Variants in CHSY3 observed in about 807,000 individuals in gnomAD.
CHSY3 encodes N-acetylgalactosaminyl-proteoglycan 3-beta-glucuronosyltransferase 3.
CHSY3 carries 35 observed loss-of-function variants against 67.2 expected under a neutral mutation model. The ratio of observed to expected loss-of-function variants is 0.52; its 90% CI spans 0.40 to 0.69. The LOEUF (loss-of-function observed/expected upper bound fraction) is 0.69, where lower values mean the gene tolerates loss of function less well. Ranked by LOEUF, CHSY3 falls within the 30% of genes least tolerant of loss-of-function variation. The pLI is 0.00. For synonymous variants in CHSY3, 474 were observed against 434.7 expected, an observed-to-expected ratio of 1.09 and a Z score of -1.12; for missense variants, 1,069 against 1,138.5, an observed-to-expected ratio of 0.94 and a Z score of 0.88.
chr5:130,001,503 A>G (rs925284513), intron 2 of CHSY3: 59 of 961,036 alleles, frequency 6.1e-5, no homozygotes, highest in Non-Finnish European at 6.9e-5. Flanking sequence ...ACCAAGATCT[A>G]GTGAAGGGCC....
At chr5:130,119,731 A>T (rs1767944324) in intron 2 of CHSY3, among the ~76,000 whole-genome samples, 1 of 152,204 alleles carries the variant, frequency 6.6e-6, no homozygotes, top group South Asian at 2.1e-4. Flanking sequence ...TAAAGGAAAG[A>T]CAGGCTTTTC....
Position 130,184,441 on chromosome 5 carries a change from G to A in CHSY3, c.1299G>A (p.Lys433=). 1 of 1,613,792 alleles carries A rather than the reference G, an allele frequency of 6.2e-7. No homozygotes were observed. The highest frequency in any genetic ancestry group is 8.5e-7 in the Non-Finnish European group (1 of 1,179,702). ...QLHRESALMS[K]LSNTEVSKED... is the part of the protein sequence containing the mutation. ...ACAGGGAAAGTGCCCTGATGAGCAA[G>A]CTCAGTAACACAGAAGTGAGCAAAG... Residue 433 remains lysine, a synonymous_variant, in exon 3 of 3, where the codon AAG becomes AAA. Coordinates refer to ENST00000305031, the MANE Select transcript of CHSY3 (RefSeq NM_175856.5).
intron 2 of CHSY3, among the ~76,000 whole-genome samples, chr5:129,971,434 A>G (rs1306719886): frequency 6.6e-6 from 1 of 151,930 alleles, no homozygotes; most frequent in East Asian, 1.9e-4. Context: ...TTCTTCAATC[A>G]TTGGCTAATA....
chr5:130,180,177 C>T (rs570139919), intron 2 of CHSY3, among the ~76,000 whole-genome samples: 164 of 152,278 alleles, frequency 1.1e-3, no homozygotes, highest in African/African-American at 3.8e-3. Context: ...TGCTTAGCCT[C>T]TCATTTCCCC....
chr5:129,956,920 T>C (rs1292605482), intron 2 of CHSY3, among the ~76,000 whole-genome samples: 2 of 152,160 alleles, frequency 1.3e-5, no homozygotes, highest in Non-Finnish European at 2.9e-5. Flanking sequence ...TTTGTTTTTG[T>C]TGCTTAGGAT....
chr5:129,983,378 A>G (rs1278332453), intron 2 of CHSY3, among the ~76,000 whole-genome samples: 2 of 152,060 alleles, frequency 1.3e-5, no homozygotes, highest in Admixed American at 1.3e-4. Flanking sequence ...TTGTCCTCCT[A>G]CATCCATATT....
chr5:129,905,946 C>G (rs1760276369), intron 1 of CHSY3: 2 of 409,172 alleles, frequency 4.9e-6, no homozygotes, highest in African/African-American at 4.3e-5. Flanking sequence ...AACCTTAGAG[C>G]TAAACCAAAG....
At chr5:130,015,476 A>G (rs1393191272) in intron 2 of CHSY3, among the ~76,000 whole-genome samples, 2 of 152,134 alleles carry the variant, frequency 1.3e-5, no homozygotes, top group Non-Finnish European at 2.9e-5. Flanking sequence ...CAACAAACAT[A>G]TGAAAAAAAA....
At chr5:130,089,271 T>C (rs1403702946) in intron 2 of CHSY3, among the ~76,000 whole-genome samples, 14 of 149,922 alleles carry the variant, frequency 9.3e-5, no homozygotes, top group African/African-American at 2.4e-5. Context: ...TACCTAATGC[T>C]AAATGACGAG....
chr5:129,906,766 T>G (rs945279172), intron 1 of CHSY3, among the ~76,000 whole-genome samples: 3 of 152,260 alleles, frequency 2.0e-5, no homozygotes, highest in African/African-American at 7.2e-5. Context: ...CAGCCCTTCC[T>G]TATTTTATGC....
At chr5:129,982,957 G>T (rs1157977554) in intron 2 of CHSY3, among the ~76,000 whole-genome samples, 1 of 152,008 alleles carries the variant, frequency 6.6e-6, no homozygotes. Context: ...ATACATGGTG[G>T]TGTTTATTTG....
chr5:130,002,001 G>C (rs1174439469), intron 2 of CHSY3: 1 of 875,278 alleles, frequency 1.1e-6, no homozygotes, highest in African/African-American at 1.8e-5. Flanking sequence ...TAGTAACTTA[G>C]AGCTACTCTC....
chr5:130,101,715 G>A (rs750903778), intron 2 of CHSY3, among the ~76,000 whole-genome samples: 24 of 152,028 alleles, frequency 1.6e-4, no homozygotes, highest in Admixed American at 2.6e-4. Context: ...CTTATATTTC[G>A]AAATTTACAT....
chr5:129,915,368 G>A (rs1309821737), intron 2 of CHSY3, among the ~76,000 whole-genome samples: 1 of 152,084 alleles, frequency 6.6e-6, no homozygotes, highest in East Asian at 1.9e-4. Flanking sequence ...TTCTAGTTGA[G>A]GCTTAACTAC....
chr5:130,122,821 C>A (rs1456174135), intron 2 of CHSY3, among the ~76,000 whole-genome samples: 1 of 152,062 alleles, frequency 6.6e-6, no homozygotes, highest in Non-Finnish European at 1.5e-5. Flanking sequence ...TATAAATGTT[C>A]TTTCATAAAA....
intron 2 of CHSY3, among the ~76,000 whole-genome samples, chr5:130,113,238 C>T (rs1387726456): frequency 1.3e-5 from 2 of 151,932 alleles, no homozygotes; most frequent in African/African-American, 4.8e-5. Context: ...CATATATTAT[C>T]CTTCCAGTAA....
intron 2 of CHSY3, among the ~76,000 whole-genome samples, chr5:130,051,665 GA>G (rs1765362110): frequency 6.6e-6 from 1 of 151,920 alleles, no homozygotes. Flanking sequence ...TTGAGGAAAG[GA>G]AAAAAACTTA....
At chr5:130,073,330 C>G (rs1254310286) in intron 2 of CHSY3, among the ~76,000 whole-genome samples, 3 of 151,356 alleles carry the variant, frequency 2.0e-5, no homozygotes, top group Non-Finnish European at 4.4e-5. Context: ...CTCTGTCACT[C>G]AGGCTGGAGT....
At chr5:130,085,404 C>G (rs1418566904) in intron 2 of CHSY3, among the ~76,000 whole-genome samples, 1 of 151,848 alleles carries the variant, frequency 6.6e-6, no homozygotes, top group Non-Finnish European at 1.5e-5. Flanking sequence ...ATTTTTGAAC[C>G]AGAGCATCTT....
Sources: allele counts gnomAD v4.1 joint callset (sites outside exome capture counted in the v4.1 genomes callset), GRCh38; gene constraint gnomAD v4.1.1; transcripts MANE v1.5; gene names NCBI Gene and HGNC (gene_info 2026-07-23, HGNC 2026-07-21).